FTCDNL1: variants seen among roughly 807,000 people sequenced by gnomAD.
FTCDNL1 encodes the protein formiminotransferase cyclodeaminase N-terminal like, also known as formiminotransferase N-terminal subdomain-containing protein.
In FTCDNL1, 11 loss-of-function variants were observed where a neutral mutation model predicts 5.9. That is an observed-to-expected ratio of 1.87 (90% CI 1.18 to 3.10). The LOEUF is 3.10. Among genes scored for constraint, FTCDNL1 ranks in the 30% most tolerant of loss-of-function variants. The probability of loss-of-function intolerance (pLI) is 0.00; values close to 1 mark genes in which losing one functional copy is unlikely to be tolerated. For synonymous variants in FTCDNL1, 58 were observed against 24.8 expected, an observed-to-expected ratio of 2.34 and a Z score of -3.99; for missense variants, 115 against 65.5, an observed-to-expected ratio of 1.76 and a Z score of -2.61.
intron 3 of FTCDNL1, among the ~76,000 whole-genome samples, chr2:199,769,485 C>CCA (rs1698703947): frequency 6.6e-6 from 1 of 152,030 alleles, no homozygotes; most frequent in Non-Finnish European, 1.5e-5. Context: ...TGAGGCCCCC[C>CCA]CAGCCATGTG....
chr2:199,784,632 A>C (rs1045737158), intron 3 of FTCDNL1, among the ~76,000 whole-genome samples: 1 of 152,160 alleles, frequency 6.6e-6, no homozygotes, highest in African/African-American at 2.4e-5. Context: ...CAGTCATCTC[A>C]CTGGGAGCTG....
chr2:199,781,694 A>G (rs548629169), intron 3 of FTCDNL1, among the ~76,000 whole-genome samples: 2 of 152,330 alleles, frequency 1.3e-5, no homozygotes, highest in East Asian at 3.9e-4. Context: ...TTCCTGTGGA[A>G]GGAGATAGAA....
At chr2:199,712,468 C>T in the FTCDNL1 span, among the ~76,000 whole-genome samples, 1 of 152,154 alleles carries the variant, frequency 6.6e-6, no homozygotes, top group African/African-American at 2.4e-5. Flanking sequence ...TTCAATTCTC[C>T]AGCTTTGAAA....
intron 3 of FTCDNL1, among the ~76,000 whole-genome samples, chr2:199,779,278 A>G (rs796202491): frequency 1.1e-4 from 17 of 152,342 alleles, no homozygotes; most frequent in African/African-American, 3.8e-4. Flanking sequence ...ATATTCTAGA[A>G]GAGTTATTCA....
At chr2:199,783,397 T>C (rs1473269167) in intron 3 of FTCDNL1, among the ~76,000 whole-genome samples, 1 of 152,208 alleles carries the variant, frequency 6.6e-6, no homozygotes, top group Non-Finnish European at 1.5e-5. Context: ...ACACCAATGT[T>C]AATAAGTTCT....
the FTCDNL1 span, among the ~76,000 whole-genome samples, chr2:199,730,514 A>G: frequency 6.6e-6 from 1 of 152,242 alleles, no homozygotes; most frequent in African/African-American, 2.4e-5. Flanking sequence ...AAACAACCCC[A>G]TCAAAAAGTG....
the FTCDNL1 span, among the ~76,000 whole-genome samples, chr2:199,735,591 G>A: frequency 6.6e-6 from 1 of 151,904 alleles, no homozygotes; most frequent in East Asian, 1.9e-4. Flanking sequence ...ATTTCCATCT[G>A]TCCTCAGGTA....
chr2:199,699,976 T>C, the FTCDNL1 span, among the ~76,000 whole-genome samples: 96 of 146,460 alleles, frequency 6.6e-4, no homozygotes, highest in Non-Finnish European at 9.7e-4. Flanking sequence ...AGCATTCCTC[T>C]TGAGAACTGG....
At chr2:199,687,310 A>T in the FTCDNL1 span, among the ~76,000 whole-genome samples, 1 of 152,374 alleles carries the variant, frequency 6.6e-6, no homozygotes, top group South Asian at 2.1e-4. Flanking sequence ...GGTCAAAGGC[A>T]GAATTTAATG....
At chr2:199,805,919 G>GA (rs556234509), downstream of FTCDNL1, among the ~76,000 whole-genome samples, 244 of 136,382 alleles carry the variant, frequency 1.8e-3, no homozygotes, top group African/African-American at 3.5e-3. Context: ...ACCTTGTCTT[G>GA]AAAAAAAAAA....
intron 4 of FTCDNL1, among the ~76,000 whole-genome samples, chr2:199,815,315 A>G (rs889395418): frequency 6.6e-6 from 1 of 152,238 alleles, no homozygotes; most frequent in African/African-American, 2.4e-5. Flanking sequence ...TTCTGTTTAT[A>G]ATATTCTTTG....
At chr2:199,788,333 G>A (rs1039783734) in intron 3 of FTCDNL1, among the ~76,000 whole-genome samples, 10 of 152,024 alleles carry the variant, frequency 6.6e-5, no homozygotes, top group Non-Finnish European at 1.3e-4. Context: ...AGAAATTCTA[G>A]GGGAATATTT....
chr2:199,769,611 T>G (rs1311249746), intron 3 of FTCDNL1, among the ~76,000 whole-genome samples: 4 of 152,156 alleles, frequency 2.6e-5, no homozygotes, highest in Non-Finnish European at 4.4e-5. Context: ...TATTTGGGCA[T>G]TTTTTTCCCC....
At chr2:199,803,782 G>A (rs1487138762) in intron 3 of FTCDNL1, among the ~76,000 whole-genome samples, 2 of 152,152 alleles carry the variant, frequency 1.3e-5, no homozygotes, top group Non-Finnish European at 2.9e-5. Flanking sequence ...ACTGTTTAGG[G>A]TTAGGGCAGT....
rs1701052410 is a variant in FTCDNL1 at position 199,811,792 on chromosome 2, T to C, written c.*913A>G. On this transcript the variant is annotated 3_prime_UTR_variant, in exon 5 of 5. Transcript: ENST00000420128. ...TAGTAGAATTTCCAAAGTTGATCAT[T>C]CTTGCTATAAATGAACTCATTGCCT... Among the ~76,000 whole-genome samples the C allele has an allele frequency of 6.6e-6, 1 of 152,216 alleles. No homozygotes were observed.
chr2:199,796,102 T>C (rs1700158066), intron 3 of FTCDNL1, among the ~76,000 whole-genome samples: 1 of 152,208 alleles, frequency 6.6e-6, no homozygotes, highest in Non-Finnish European at 1.5e-5. Flanking sequence ...TAGAGATATA[T>C]GTTATTGAAA....
the FTCDNL1 span, among the ~76,000 whole-genome samples, chr2:199,725,664 G>A: frequency 1.3e-5 from 2 of 152,136 alleles, no homozygotes; most frequent in African/African-American, 4.8e-5. Context: ...GGCCAGATAT[G>A]AAATTCTGGG....
intron 3 of FTCDNL1, among the ~76,000 whole-genome samples, chr2:199,792,835 G>A (rs1233413693): frequency 1.3e-5 from 2 of 151,906 alleles, no homozygotes; most frequent in Non-Finnish European, 2.9e-5. Context: ...CAGAAACCGT[G>A]GGTGCTATTT....
chr2:199,824,646 A>G (rs1701907586), intron 3 of FTCDNL1, among the ~76,000 whole-genome samples: 1 of 152,154 alleles, frequency 6.6e-6, no homozygotes, highest in African/African-American at 2.4e-5. Flanking sequence ...CTTAAAGGCC[A>G]TTGTTGGGTT....
Sources: gnomAD v4.1 joint callset for allele counts (sites outside exome capture counted in the v4.1 genomes callset) on GRCh38, gnomAD v4.1.1 for gene constraint, MANE v1.5 for transcripts, NCBI Gene and HGNC (gene_info 2026-07-23, HGNC 2026-07-21) for gene names.